NUP62CL: variants seen among roughly 807,000 people sequenced by gnomAD.
NUP62CL encodes the protein nucleoporin 62 C-terminal like.
In NUP62CL, 13 loss-of-function variants were observed where a neutral mutation model predicts 15.3. The ratio of observed to expected loss-of-function variants is 0.85; its 90% CI spans 0.55 to 1.35. The LOEUF is 1.35. NUP62CL is among the 40% of genes most tolerant of loss of function. The probability of loss-of-function intolerance (pLI) is 0.00; values close to 1 mark genes in which losing one functional copy is unlikely to be tolerated. For synonymous variants in NUP62CL, 54 were observed against 49.2 expected (o/e 1.10, Z -0.41); for missense variants, 123 against 130.6 (o/e 0.94, Z 0.28).
At chrX:107,178,033 G>A (rs2147810234) in intron 2 of NUP62CL, among the ~76,000 whole-genome samples, 1 of 111,890 alleles carries the variant, frequency 8.9e-6, no homozygotes, top group African/African-American at 3.2e-5. Flanking sequence ...AAAAGGAAAA[G>A]TACCACGCTA....
intron 1 of NUP62CL, among the ~76,000 whole-genome samples, chrX:107,195,334 T>A (rs1335261109): frequency 8.9e-6 from 1 of 111,767 alleles, no homozygotes; most frequent in Admixed American, 9.5e-5. Context: ...CCACAACCAC[T>A]ATTTTCTAAG....
chrX:107,129,168 A>T (rs1284732925), intron 8 of NUP62CL, among the ~76,000 whole-genome samples: 2 of 112,463 alleles, frequency 1.8e-5, no homozygotes, highest in South Asian at 3.7e-4. Flanking sequence ...CAACAAAAAA[A>T]CTATGAAAAT....
At chrX:107,148,860 C>T (rs1378981157) in intron 7 of NUP62CL, among the ~76,000 whole-genome samples, 3 of 111,466 alleles carry the variant, frequency 2.7e-5, no homozygotes, top group East Asian at 5.6e-4. Context: ...TATTTTTCTA[C>T]CCTAGTATAT....
At chrX:107,150,474 G>A (rs1484731143) in intron 7 of NUP62CL, among the ~76,000 whole-genome samples, 1 of 111,860 alleles carries the variant, frequency 8.9e-6, no homozygotes, top group African/African-American at 3.3e-5. Flanking sequence ...ACGGAAAAAA[G>A]GGACTAGCTT....
At chrX:107,127,015 C>T (rs780274264) in intron 8 of NUP62CL, among the ~76,000 whole-genome samples, 1 of 108,552 alleles carries the variant, frequency 9.2e-6, no homozygotes, top group Admixed American at 9.8e-5. Context: ...GTCTGGGTGA[C>T]GAGAGAAACT....
At chrX:107,151,756 C>T (rs1037350974) in intron 7 of NUP62CL, among the ~76,000 whole-genome samples, 7 of 108,160 alleles carry the variant, frequency 6.5e-5, no homozygotes, top group African/African-American at 2.0e-4. Flanking sequence ...CTGGGCCGGG[C>T]GCGGTGGCTC....
intron 2 of NUP62CL, among the ~76,000 whole-genome samples, chrX:107,185,008 G>A (rs1927019600): frequency 9.0e-6 from 1 of 110,513 alleles, no homozygotes; most frequent in African/African-American, 3.3e-5. Context: ...AAAAAAGAGA[G>A]GAAATCAAGG....
intron 2 of NUP62CL, among the ~76,000 whole-genome samples, chrX:107,179,100 A>G (rs899954956): frequency 2.7e-5 from 3 of 110,089 alleles, no homozygotes; most frequent in Non-Finnish European, 5.7e-5. Context: ...TCTCAAAAAA[A>G]AAAAAGAAAA....
At chrX:107,152,171 GATATATATATATTCAGATATATATATATA>G in intron 7 of NUP62CL, among the ~76,000 whole-genome samples, 1 of 70,269 alleles carries the variant, frequency 1.4e-5, no homozygotes, top group East Asian at 4.3e-4. Flanking sequence ...TATATATTCA[GATATATATATATTCAGATATATATATATA>G]TATGACTACA....
chrX:107,182,171 A>G (rs1926934761), intron 2 of NUP62CL, among the ~76,000 whole-genome samples: 1 of 112,409 alleles, frequency 8.9e-6, no homozygotes, highest in Non-Finnish European at 1.9e-5. Flanking sequence ...TAAGAGACAA[A>G]AACCTTAGCT....
chrX:107,145,200 G>A (rs1454571705), intron 8 of NUP62CL, among the ~76,000 whole-genome samples: 1 of 111,109 alleles, frequency 9.0e-6, no homozygotes, highest in African/African-American at 3.3e-5. Flanking sequence ...TGATGATATA[G>A]GTATGTCTGG....
chrX:107,154,440 A>G (rs981376697), intron 4 of NUP62CL, among the ~76,000 whole-genome samples, 194 bp from the exon 5 acceptor site: 1 of 111,709 alleles, frequency 9.0e-6, no homozygotes, highest in Non-Finnish European at 1.9e-5. Context: ...ACTTGAAATT[A>G]TCCTAGGTGA....
chrX:107,156,125 T>G (rs1225894378), intron 4 of NUP62CL, among the ~76,000 whole-genome samples: 3 of 109,518 alleles, frequency 2.7e-5, no homozygotes, highest in Admixed American at 1.9e-4. Context: ...GCTCGGAGGG[T>G]CCTACGCCCA....
intron 1 of NUP62CL, among the ~76,000 whole-genome samples, chrX:107,196,498 C>T (rs1340978658): frequency 8.9e-6 from 1 of 112,237 alleles, no homozygotes; most frequent in East Asian, 2.8e-4. Context: ...ATGGCACAAT[C>T]TTGGCTCACT....
intron 2 of NUP62CL, among the ~76,000 whole-genome samples, chrX:107,182,518 T>C (rs1308286513): frequency 9.0e-6 from 1 of 111,555 alleles, no homozygotes; most frequent in Non-Finnish European, 1.9e-5. Context: ...TAGTAGGACA[T>C]AGAAAATAGC....
intron 2 of NUP62CL, among the ~76,000 whole-genome samples, chrX:107,184,720 T>G (rs1927012664): frequency 9.0e-6 from 1 of 111,117 alleles, no homozygotes; most frequent in African/African-American, 3.3e-5. Flanking sequence ...CAAAGAGGCA[T>G]AAATGAACAT....
At chrX:107,181,821 T>C (rs1444219485) in intron 2 of NUP62CL, among the ~76,000 whole-genome samples, 2 of 112,411 alleles carry the variant, frequency 1.8e-5, no homozygotes, top group Non-Finnish European at 3.8e-5. Flanking sequence ...GTCATGCATA[T>C]TTTTAAAAGT....
intron 8 of NUP62CL, chrX:107,131,823 G>A (rs1048483084): frequency 2.3e-5 from 26 of 1,108,603 alleles, no homozygotes; most frequent in Non-Finnish European, 3.1e-5. Flanking sequence ...TCTTTGCTGG[G>A]GAGTATGAAG....
At chrX:107,156,709 A>G (rs1926205000) in intron 4 of NUP62CL, among the ~76,000 whole-genome samples, 1 of 96,318 alleles carries the variant, frequency 1.0e-5, no homozygotes, top group African/African-American at 3.8e-5. Flanking sequence ...TGGAAACTCT[A>G]AAACGCAGAG....
Sources: allele counts gnomAD v4.1 joint callset (sites outside exome capture counted in the v4.1 genomes callset), GRCh38; gene constraint gnomAD v4.1.1; transcripts MANE v1.5; gene names NCBI Gene and HGNC (gene_info 2026-07-23, HGNC 2026-07-21).